The following TAFA1 variants were observed in gnomAD, a reference collection of about 807,000 sequenced individuals.
TAFA1 encodes TAFA chemokine like family member 1, also known as chemokine-like protein TAFA-1.
A neutral mutation model predicts 18.5 loss-of-function variants in TAFA1; 4 were observed. The ratio of observed to expected loss-of-function variants is 0.22; its 90% CI spans 0.11 to 0.49. TAFA1 has a LOEUF of 0.49. Ranked by LOEUF, TAFA1 falls within the 20% of genes least tolerant of loss-of-function variation. The probability of loss-of-function intolerance (pLI) is 0.98; values close to 1 mark genes in which losing one functional copy is unlikely to be tolerated. For missense variants in TAFA1, 147 were observed against 169.0 expected, an observed-to-expected ratio of 0.87 and a Z score of 0.72; for synonymous variants, 56 against 55.2, an observed-to-expected ratio of 1.01 and a Z score of -0.06.
chr3:68,180,446 C>G (rs898507977), intron 2 of TAFA1, among the ~76,000 whole-genome samples: 2 of 152,168 alleles, frequency 1.3e-5, no homozygotes, highest in Admixed American at 6.5e-5. Context: ...GGATACTGAA[C>G]GAGAACAGCA....
intron 2 of TAFA1, among the ~76,000 whole-genome samples, chr3:68,243,150 A>G (rs1293233130): frequency 6.6e-6 from 1 of 152,122 alleles, no homozygotes; most frequent in African/African-American, 2.4e-5. Context: ...TTATTTTTAA[A>G]TAATTATAAA....
intron 2 of TAFA1, among the ~76,000 whole-genome samples, chr3:68,401,856 GA>G (rs1169500014): frequency 1.3e-5 from 2 of 152,132 alleles, no homozygotes; most frequent in African/African-American, 4.8e-5. Context: ...GGCTTCCCTA[GA>G]AGAAAGAAAA....
At chr3:68,523,415 C>A (rs2073057864) in intron 3 of TAFA1, among the ~76,000 whole-genome samples, 1 of 152,142 alleles carries the variant, frequency 6.6e-6, no homozygotes, top group African/African-American at 2.4e-5. Context: ...CAACTTTTGA[C>A]CTTTGTGTTA....
chr3:68,484,496 G>A (rs2106664759), intron 3 of TAFA1, among the ~76,000 whole-genome samples: 1 of 152,200 alleles, frequency 6.6e-6, no homozygotes, highest in Non-Finnish European at 1.5e-5. Context: ...TGGGTGAGGT[G>A]AAAAAAGGAA....
At chr3:68,419,939 T>C (rs140659016) in intron 3 of TAFA1, among the ~76,000 whole-genome samples, 119 of 152,324 alleles carry the variant, frequency 7.8e-4, no homozygotes, top group African/African-American at 2.7e-3. Context: ...ATACTATCTC[T>C]GATCTCGTTT....
At chr3:68,472,367 C>T (rs1435756258) in intron 3 of TAFA1, among the ~76,000 whole-genome samples, 2 of 152,150 alleles carry the variant, frequency 1.3e-5, no homozygotes, top group Non-Finnish European at 2.9e-5. Context: ...CCATGTGGAA[C>T]TGTGAGTCAA....
chr3:68,030,061 C>T (rs1704897913), intron 2 of TAFA1, among the ~76,000 whole-genome samples: 1 of 152,074 alleles, frequency 6.6e-6, no homozygotes, highest in South Asian at 2.1e-4. Flanking sequence ...AATAACTTTT[C>T]TTCAGGATAT....
chr3:68,459,497 A>G (rs1475990463), intron 3 of TAFA1, among the ~76,000 whole-genome samples: 5 of 56,644 alleles, frequency 8.8e-5, no homozygotes, highest in Non-Finnish European at 1.6e-4. Context: ...ACGCACTAGA[A>G]GAATAAGTAA....
intron 2 of TAFA1, among the ~76,000 whole-genome samples, chr3:68,337,691 A>G (rs897392461): frequency 1.3e-5 from 2 of 151,942 alleles, no homozygotes; most frequent in Non-Finnish European, 2.9e-5. Context: ...AACACTTACT[A>G]GAAGATCTAC....
At chr3:68,140,267 C>T (rs148933078) in intron 2 of TAFA1, among the ~76,000 whole-genome samples, 3 of 152,154 alleles carry the variant, frequency 2.0e-5, no homozygotes, top group African/African-American at 7.2e-5. Flanking sequence ...TGCCTTTCTT[C>T]ACTTACTGCA....
At chr3:68,011,931 C>T (rs1472715290) in intron 2 of TAFA1, among the ~76,000 whole-genome samples, 1 of 152,154 alleles carries the variant, frequency 6.6e-6, no homozygotes, top group East Asian at 1.9e-4. Flanking sequence ...TATTACAATG[C>T]TATAAAAACT....
intron 3 of TAFA1, among the ~76,000 whole-genome samples, chr3:68,438,373 G>C (rs2071303231): frequency 1.3e-5 from 2 of 152,054 alleles, no homozygotes; most frequent in South Asian, 2.1e-4. Flanking sequence ...AAAGACTCCA[G>C]AATAACAGAA....
At chr3:68,017,022 C>A (rs1048021091) in intron 2 of TAFA1, among the ~76,000 whole-genome samples, 1 of 152,088 alleles carries the variant, frequency 6.6e-6, no homozygotes, top group Non-Finnish European at 1.5e-5. Flanking sequence ...AGTTTGAACA[C>A]CACTGTTCTA....
upstream of TAFA1, among the ~76,000 whole-genome samples, chr3:68,000,994 C>CA (rs943290074): frequency 3.3e-5 from 5 of 151,606 alleles, no homozygotes; most frequent in African/African-American, 7.3e-5. Context: ...TTTTGTAAAC[C>CA]AAAAAAACAT....
chr3:68,265,615 G>T (rs1442316597), intron 2 of TAFA1, among the ~76,000 whole-genome samples: 1 of 152,118 alleles, frequency 6.6e-6, no homozygotes, highest in Non-Finnish European at 1.5e-5. Context: ...AACTAACTGG[G>T]TTCACCTCCA....
intron 3 of TAFA1, among the ~76,000 whole-genome samples, chr3:68,461,912 G>A (rs568773201): frequency 5.9e-5 from 9 of 152,190 alleles, no homozygotes; most frequent in Admixed American, 1.3e-4. Context: ...TCCTGGAGCT[G>A]TTGTCTGGGT....
chr3:68,283,596 G>C (rs1416271689), intron 2 of TAFA1, among the ~76,000 whole-genome samples: 2 of 152,088 alleles, frequency 1.3e-5, no homozygotes, highest in African/African-American at 2.4e-5. Context: ...CAGTAAAATG[G>C]AGTAATAAAA....
chr3:68,534,019 A>T (rs1020819751), intron 3 of TAFA1, among the ~76,000 whole-genome samples: 2 of 152,230 alleles, frequency 1.3e-5, no homozygotes, highest in Middle Eastern at 3.4e-3. Flanking sequence ...AAAATATTTT[A>T]CCCGTATATA....
chr3:68,015,974 A>G (rs537175150), intron 2 of TAFA1, among the ~76,000 whole-genome samples: 1 of 152,324 alleles, frequency 6.6e-6, no homozygotes, highest in South Asian at 2.1e-4. Flanking sequence ...ATTAGAATTC[A>G]TGCAATGTGG....
Sources: allele counts gnomAD v4.1 joint callset (sites outside exome capture counted in the v4.1 genomes callset), GRCh38; gene constraint gnomAD v4.1.1; transcripts MANE v1.5; gene names NCBI Gene and HGNC (gene_info 2026-07-23, HGNC 2026-07-21).